Variants in ARHGEF12 observed in about 807,000 individuals in gnomAD.
The protein encoded by ARHGEF12 is Rho guanine nucleotide exchange factor 12.
ARHGEF12 carries 66 observed loss-of-function variants against 211.2 expected under a neutral mutation model. The observed-to-expected ratio is 0.31, with a 90% confidence interval of 0.26 to 0.38. The LOEUF is 0.38. Among genes scored for constraint, ARHGEF12 ranks in the 10% least tolerant of loss-of-function variants. The pLI is 1.00. For synonymous variants in ARHGEF12, 592 were observed against 638.4 expected, an observed-to-expected ratio of 0.93 and a Z score of 1.09; for missense variants, 1,429 against 1,869.5, an observed-to-expected ratio of 0.76 and a Z score of 4.34.
chr11:120,474,254 C>G (rs756733301), intron 31 of ARHGEF12, among the ~76,000 whole-genome samples: 2 of 152,188 alleles, frequency 1.3e-5, no homozygotes, highest in Non-Finnish European at 2.9e-5. Context: ...CGTTGAGAAT[C>G]TAGTGACTGA....
chr11:120,353,307 A>G (rs999721362), intron 1 of ARHGEF12, among the ~76,000 whole-genome samples: 1 of 152,214 alleles, frequency 6.6e-6, no homozygotes, highest in Admixed American at 6.5e-5. Context: ...CCATTGGATC[A>G]ATTATCACAG....
chr11:120,347,757 T>A (rs942919456), intron 1 of ARHGEF12, among the ~76,000 whole-genome samples: 2 of 152,158 alleles, frequency 1.3e-5, no homozygotes, highest in African/African-American at 4.8e-5. Flanking sequence ...TTGTAGGGAA[T>A]ATGAGACATT....
intron 25 of ARHGEF12, 41 bp from the exon 26 acceptor site, chr11:120,459,133 G>C: frequency 6.5e-7 from 1 of 1,540,690 alleles, no homozygotes; most frequent in Non-Finnish European, 8.8e-7. Flanking sequence ...CCATGGAATT[G>C]TTCTAAGTAA....
chr11:120,456,920 GCTGAGATGGGAGGATCATGTGAGC>G, intron 22 of ARHGEF12, 174 bp from the exon 23 acceptor site: 1 of 504,764 alleles, frequency 2.0e-6, no homozygotes. Context: ...ATCATATGAG[GCTGAGATGGGAGGATCATGTGAGC>G]CTGAGATGCC....
intron 1 of ARHGEF12, among the ~76,000 whole-genome samples, chr11:120,338,831 G>A (rs1942439103): frequency 6.6e-6 from 1 of 152,166 alleles, no homozygotes; most frequent in African/African-American, 2.4e-5. Flanking sequence ...ACACACAAGT[G>A]AGTGAAAAGC....
At chr11:120,339,005 C>CTTTTTTTTTTTTTTTTTTTTTT (rs906260027) in intron 1 of ARHGEF12, among the ~76,000 whole-genome samples, 4 of 121,998 alleles carry the variant, frequency 3.3e-5, no homozygotes, top group African/African-American at 1.2e-4. Flanking sequence ...TTTTCTTTTT[C>CTTTTTTTTTTTTTTTTTTTTTT]TTTTTTTTTT....
intron 1 of ARHGEF12, among the ~76,000 whole-genome samples, chr11:120,342,649 T>G (rs578176126): frequency 2.0e-5 from 3 of 152,346 alleles, no homozygotes; most frequent in South Asian, 4.1e-4. Context: ...TGATTCACTT[T>G]TATTTTAGAT....
intron 1 of ARHGEF12, among the ~76,000 whole-genome samples, chr11:120,349,821 A>T (rs1351067143): frequency 1.3e-5 from 2 of 152,172 alleles, no homozygotes; most frequent in Non-Finnish European, 2.9e-5. Flanking sequence ...TTGAATCCAT[A>T]TGTATTTTTA....
chr11:120,415,056 G>T (rs1026779723), intron 4 of ARHGEF12, among the ~76,000 whole-genome samples: 1 of 152,168 alleles, frequency 6.6e-6, no homozygotes, highest in African/African-American at 2.4e-5. Flanking sequence ...CATTTGTATG[G>T]AAGTTATGAT....
intron 2 of ARHGEF12, among the ~76,000 whole-genome samples, chr11:120,406,622 G>A (rs1258498857): frequency 2.0e-5 from 3 of 152,124 alleles, no homozygotes; most frequent in East Asian, 1.9e-4. Context: ...GCAGTGGCGC[G>A]ATCTCAGCTC....
Position 120,446,397 on chromosome 11 carries a change from A to G in ARHGEF12, c.1346-6A>G, listed in dbSNP as rs758065734. On this transcript the variant is annotated splice_polypyrimidine_tract_variant and splice_region_variant and intron_variant, in intron 16 of 40. Transcript: ENST00000397843. ...TTAGATAACATAATTCCTTTCATTTATGAAGAAAAGAGAAGACCTGAGCTC... is the reference window on the plus strand; with the variant it reads ...TTAGATAACATAATTCCTTTCATTTGTGAAGAAAAGAGAAGACCTGAGCTC... The G allele has an allele frequency of 6.2e-7, 1 of 1,604,104 alleles. No homozygotes were observed. Among genetic ancestry groups the G allele is most frequent in the South Asian group, 1.1e-5 (1 of 89,296 alleles).
intron 1 of ARHGEF12, among the ~76,000 whole-genome samples, chr11:120,391,685 T>TA (rs1336425570): frequency 1.3e-5 from 2 of 152,212 alleles, no homozygotes; most frequent in African/African-American, 4.8e-5. Flanking sequence ...TGTTATGCTT[T>TA]AAAAAACAAA....
chr11:120,364,131 A>G (rs912367283), intron 1 of ARHGEF12, among the ~76,000 whole-genome samples: 8 of 152,078 alleles, frequency 5.3e-5, no homozygotes, highest in African/African-American at 1.7e-4. Flanking sequence ...TTTGTTCCCA[A>G]TACCTGGAAG....
Position 120,445,481 on chromosome 11 carries a change from A to G in ARHGEF12, c.1345+17A>G, listed in dbSNP as rs1282733330. The G allele has an allele frequency of 1.2e-6, 2 of 1,612,578 alleles. No individual in the cohort carries two copies. Among genetic ancestry groups the G allele is most frequent in the Non-Finnish European group, 8.5e-7 (1 of 1,178,520 alleles). On this transcript the variant is annotated intron_variant, in intron 16 of 40. Transcript: ENST00000397843. ...CAGATCTAGGTAAGCTTGGAGCACT[A>G]ACATCCTGGAGAATTACATCTTAAT...
intron 4 of ARHGEF12, among the ~76,000 whole-genome samples, chr11:120,414,929 C>T (rs1336517569): frequency 6.6e-6 from 1 of 152,160 alleles, no homozygotes; most frequent in Non-Finnish European, 1.5e-5. Flanking sequence ...ACTTTTTATA[C>T]CAGTCTCACT....
In ARHGEF12 at chr11:120,339,005, CTTTTTTT is replaced by C. The variant is rs906260027; in HGVS notation, c.32+1742_32+1748del. On this transcript the variant is annotated intron_variant, in intron 1 of 40. Coordinates refer to ENST00000397843, the MANE Select transcript of ARHGEF12 (RefSeq NM_015313.3). ...CTGAAAGCCTGTTTCTTTTCTTTTT[CTTTTTTT>C]TTTTTTTTTTTGGCCAGGCACTGTG... 3.5e-4 allele frequency among the ~76,000 whole-genome samples: 43 copies of C among 121,996 alleles called. 1 individual carries two copies. The highest frequency in any genetic ancestry group is 7.0e-4 in the East Asian group (3 of 4,282). The allele number at this position is 121,996 out of a possible 152,430, so 80.0% of individuals were successfully genotyped here.
intron 1 of ARHGEF12, among the ~76,000 whole-genome samples, chr11:120,387,151 A>G (rs147872418): frequency 1.3e-5 from 2 of 152,048 alleles, no homozygotes; most frequent in East Asian, 1.9e-4. Flanking sequence ...CATATGGTCT[A>G]TGGAAACAAT....
intron 1 of ARHGEF12, among the ~76,000 whole-genome samples, chr11:120,354,056 C>T (rs572544938): frequency 3.9e-5 from 6 of 152,044 alleles, no homozygotes; most frequent in Non-Finnish European, 7.4e-5. Flanking sequence ...GAGGGGCTGC[C>T]TCTGATCTCC....
Position 120,431,758 on chromosome 11 carries a change from T to C in ARHGEF12, c.784-13T>C, listed in dbSNP as rs150488820. 435 of 1,560,440 alleles carry C rather than the reference T, an allele frequency of 2.8e-4. 3 individuals carry two copies. The East Asian group carries it at 6.3e-3, about 23-fold the overall frequency. ...GTGTTTGTGTGCGCGTGTTTTTCTT[T>C]CATCTGTTTTAGGATGGAGCTGTAG... is the stretch of plus-strand genomic sequence containing the variant. On this transcript the variant is annotated splice_polypyrimidine_tract_variant and intron_variant, in intron 10 of 40. Coordinates refer to ENST00000397843, the MANE Select transcript of ARHGEF12 (RefSeq NM_015313.3).
Sources: gnomAD v4.1 joint callset for allele counts (sites outside exome capture counted in the v4.1 genomes callset) on GRCh38, gnomAD v4.1.1 for gene constraint, MANE v1.5 for transcripts, NCBI Gene and HGNC (gene_info 2026-07-23, HGNC 2026-07-21) for gene names.